Variants in PLEKHB2 observed in about 807,000 individuals in gnomAD.
The protein encoded by PLEKHB2 is pleckstrin homology domain-containing family B member 2.
Under a neutral mutation model 36.5 loss-of-function variants are expected in PLEKHB2, and 31 were observed. The observed-to-expected ratio is 0.85, with a 90% confidence interval of 0.64 to 1.15. The LOEUF is 1.15. Ranked by LOEUF, PLEKHB2 falls within the 50% of genes most tolerant of loss-of-function variation. The probability of loss-of-function intolerance (pLI) is 0.00; values close to 1 mark genes in which losing one functional copy is unlikely to be tolerated. For missense variants in PLEKHB2, 262 were observed against 295.3 expected, an observed-to-expected ratio of 0.89 and a Z score of 0.83; for synonymous variants, 119 against 112.0, an observed-to-expected ratio of 1.06 and a Z score of -0.39.
At position 131,149,098 on chromosome 2, in the gene PLEKHB2, G is replaced by A. The variant is rs933587408; in HGVS notation, c.*2325G>A. On this transcript the variant is annotated 3_prime_UTR_variant, in exon 8 of 8. Coordinates refer to ENST00000693505, the MANE Select transcript of PLEKHB2 (RefSeq NM_001100623.2). Reference sequence around the variant, plus strand: ...CCCTCCCCAGTCCCCATCCTAGTGGGGCCAGTCTCATTAGGCAGCCATAGA... The same window carrying A: ...CCCTCCCCAGTCCCCATCCTAGTGGAGCCAGTCTCATTAGGCAGCCATAGA... 2.0e-5 allele frequency: 3 copies of A among 152,166 alleles called. No individual in the cohort carries two copies. Among genetic ancestry groups the A allele is most frequent in the Non-Finnish European group, 4.4e-5 (3 of 68,038 alleles). 9.4% of individuals were successfully genotyped at this position (152,166 alleles called of 1,614,324 possible).
At chr2:131,144,962 T>C (rs1451046659) in intron 7 of PLEKHB2, among the ~76,000 whole-genome samples, 2 of 152,220 alleles carry the variant, frequency 1.3e-5, no homozygotes, top group Non-Finnish European at 2.9e-5. Context: ...AATTTAAACA[T>C]TGCAAAAATA....
At chr2:131,140,054 TTG>T in intron 6 of PLEKHB2, 111 bp from the exon 7 acceptor site, 2 of 633,368 alleles carry the variant, frequency 3.2e-6, no homozygotes, top group Admixed American at 6.6e-5. Context: ...ATGTTTTGTT[TTG>T]TTTTTTTTAA....
At chr2:131,124,110 G>A (rs1444460909) in intron 2 of PLEKHB2, among the ~76,000 whole-genome samples, 2 of 152,136 alleles carry the variant, frequency 1.3e-5, no homozygotes, top group African/African-American at 4.8e-5. Context: ...CTCCCAAAGT[G>A]CTGGAATTAC....
chr2:131,139,275 G>A (rs1259521949), intron 6 of PLEKHB2, among the ~76,000 whole-genome samples: 5 of 152,044 alleles, frequency 3.3e-5, no homozygotes, highest in South Asian at 2.1e-4. Context: ...TTCCTCTCCC[G>A]TCTGTCTTCT....
intron 1 of PLEKHB2, among the ~76,000 whole-genome samples, chr2:131,108,769 A>T (rs1694982429): frequency 6.6e-6 from 1 of 152,222 alleles, no homozygotes; most frequent in African/African-American, 2.4e-5. Context: ...GTAAGGGGGA[A>T]AATAAGTAAT....
Position 131,132,995 on chromosome 2 carries a change from G to A in PLEKHB2, c.423+4G>A. The A allele has an allele frequency of 6.2e-7, 1 of 1,609,690 alleles. No individual in the cohort carries two copies. The highest frequency in any genetic ancestry group is 8.5e-7 in the Non-Finnish European group (1 of 1,175,960). On this transcript the variant is annotated splice_donor_region_variant and intron_variant, in intron 6 of 7. Coordinates refer to ENST00000693505, the MANE Select transcript of PLEKHB2 (RefSeq NM_001100623.2). ...CTATGCTGCACCGGCCCCTGAGGTA[G>A]GGAGAACCCTGAGCCTCCAGGTGAG...
At chr2:131,143,215 A>G (rs577010320) in intron 7 of PLEKHB2, among the ~76,000 whole-genome samples, 1 of 152,328 alleles carries the variant, frequency 6.6e-6, no homozygotes, top group South Asian at 2.1e-4. Context: ...GATGTTTTCA[A>G]CTTATGATGG....
intron 6 of PLEKHB2, among the ~76,000 whole-genome samples, chr2:131,136,201 G>A (rs1235561914): frequency 3.3e-4 from 13 of 38,856 alleles, no homozygotes; most frequent in South Asian, 9.2e-4. Context: ...TCCCCCGCCC[G>A]TCCCCTCTCC....
At chr2:131,145,429 C>G (rs1419049004) in intron 7 of PLEKHB2, among the ~76,000 whole-genome samples, 2 of 152,168 alleles carry the variant, frequency 1.3e-5, no homozygotes, top group Non-Finnish European at 2.9e-5. Context: ...CAGCCCCCGC[C>G]TCCCAGGTTC....
At chr2:131,105,789 C>T (rs1694652298) in intron 1 of PLEKHB2, among the ~76,000 whole-genome samples, 1 of 152,170 alleles carries the variant, frequency 6.6e-6, no homozygotes, top group Admixed American at 6.5e-5. Context: ...CGCCTTGCAT[C>T]CTTTCTGGCC....
In PLEKHB2 at chr2:131,147,068, A is replaced by G. The variant is rs1036038898; in HGVS notation, c.*295A>G. On this transcript the variant is annotated 3_prime_UTR_variant, in exon 8 of 8. Coordinates refer to ENST00000693505, the MANE Select transcript of PLEKHB2 (RefSeq NM_001100623.2). ...CTGTTTTGAAAGGCATTTTCTTTTT[A>G]GAGTTAGGTGTAGTGCTTAAGGGTT... 6 of 242,584 alleles carry G rather than the reference A, an allele frequency of 2.5e-5. No homozygotes were observed. Among genetic ancestry groups the G allele is most frequent in the Non-Finnish European group, 4.7e-5 (6 of 127,836 alleles). 15.0% of individuals were successfully genotyped at this position (242,584 alleles called of 1,614,324 possible).
At chr2:131,114,573 A>G (rs115664945) in intron 1 of PLEKHB2, among the ~76,000 whole-genome samples, 4,259 of 152,262 alleles carry the variant, frequency 0.028, 196 homozygotes, top group African/African-American at 0.096. Context: ...CCAAACTTTT[A>G]TGCTCTGCTT....
rs150663496 is a variant in PLEKHB2 at position 131,149,823 on chromosome 2, A to G, written c.*3050A>G. 1.3e-4 allele frequency: 20 copies of G among 152,360 alleles called. No homozygotes were observed. Among genetic ancestry groups the G allele is most frequent in the Non-Finnish European group, 2.8e-4 (19 of 68,036 alleles). The allele number at this position is 152,360 out of a possible 1,614,324, so 9.4% of individuals were successfully genotyped here. Reference sequence around the variant, plus strand: ...CATTTGTAAGTGAAAATGTCAATACATTAAAGCATTAACCTTAAAGCATGT... The same window carrying G: ...CATTTGTAAGTGAAAATGTCAATACGTTAAAGCATTAACCTTAAAGCATGT... On this transcript the variant is annotated 3_prime_UTR_variant, in exon 8 of 8. Coordinates refer to ENST00000693505, the MANE Select transcript of PLEKHB2 (RefSeq NM_001100623.2).
intron 2 of PLEKHB2, 53 bp from the exon 3 acceptor site, chr2:131,125,700 A>G: frequency 6.7e-7 from 1 of 1,497,636 alleles, no homozygotes; most frequent in Non-Finnish European, 9.0e-7. Context: ...TGGGCGAAAT[A>G]GTAAGACTGT....
At chr2:131,135,014 T>C (rs1392480070) in intron 6 of PLEKHB2, among the ~76,000 whole-genome samples, 1 of 152,230 alleles carries the variant, frequency 6.6e-6, no homozygotes, top group Non-Finnish European at 1.5e-5. Context: ...TTCCTTTGTT[T>C]ACTGCCAGTA....
At chr2:131,117,772 C>A (rs750305913) in intron 1 of PLEKHB2, among the ~76,000 whole-genome samples, 26 of 152,120 alleles carry the variant, frequency 1.7e-4, no homozygotes, top group Non-Finnish European at 3.1e-4. Flanking sequence ...GTGATACTGT[C>A]TACAACATTC....
chr2:131,107,379 C>T (rs1393211402), intron 1 of PLEKHB2: 1 of 152,174 alleles, frequency 6.6e-6, no homozygotes, highest in Non-Finnish European at 1.5e-5. Flanking sequence ...AAGTGGTTCC[C>T]AACTGGAAAT....
intron 2 of PLEKHB2, among the ~76,000 whole-genome samples, chr2:131,124,887 G>T (rs1247953219): frequency 6.6e-6 from 1 of 151,916 alleles, no homozygotes; most frequent in Non-Finnish European, 1.5e-5. Flanking sequence ...CTGCGTTCAA[G>T]CGATTCTCCT....
rs1210845774 is a variant in PLEKHB2, at chr2:131,147,321, G to T, written c.*548G>T. The stretch of plus-strand genomic sequence containing the variant: ...GGCTCCACAGGCCCCTGGCAAGGCC[G>T]ATGGCTCAGGATGATGGGGCACAGC... On this transcript the variant is annotated 3_prime_UTR_variant, in exon 8 of 8. Transcript: ENST00000693505. The T allele has an allele frequency of 6.6e-6, 1 of 152,264 alleles. No homozygotes were observed. Among genetic ancestry groups the T allele is most frequent in the African/African-American group, 2.4e-5 (1 of 41,452 alleles). The allele number at this position is 152,264 out of a possible 1,614,324, so 9.4% of individuals were successfully genotyped here. A position where few individuals can be genotyped will look rare whatever the true frequency, so the allele number is the denominator to read the frequency against.
Sources: gnomAD v4.1 joint callset for allele counts (sites outside exome capture counted in the v4.1 genomes callset) on GRCh38, gnomAD v4.1.1 for gene constraint, MANE v1.5 for transcripts, NCBI Gene and HGNC (gene_info 2026-07-23, HGNC 2026-07-21) for gene names.